Variants in FCGR2A observed in about 807,000 individuals in gnomAD.
FCGR2A encodes the protein Fc gamma receptor IIa, also known as low affinity immunoglobulin gamma Fc region receptor II-a.
A neutral mutation model predicts 29.3 loss-of-function variants in FCGR2A; 18 were observed. The ratio of observed to expected loss-of-function variants is 0.62; its 90% confidence interval spans 0.43 to 0.91. The LOEUF (loss-of-function observed/expected upper bound fraction) is 0.91. Ranked by LOEUF, FCGR2A falls within the 40% of genes least tolerant of loss-of-function variation. The probability of loss-of-function intolerance (pLI) is 0.00; values close to 1 mark genes in which losing one functional copy is unlikely to be tolerated. For synonymous variants in FCGR2A, 126 were observed against 144.8 expected, an observed-to-expected ratio of 0.87 and a Z score of 0.93; for missense variants, 287 against 393.0, an observed-to-expected ratio of 0.73 and a Z score of 2.28.
chr1:161,520,158 C>T (rs1417912475), downstream of FCGR2A, among the ~76,000 whole-genome samples: 1 of 152,024 alleles, frequency 6.6e-6, no homozygotes, highest in Admixed American at 6.6e-5. Flanking sequence ...TAGTCTGTCT[C>T]TATGTATTAG....
chr1:161,521,731 T>A (rs1676457397), downstream of FCGR2A, among the ~76,000 whole-genome samples: 1 of 151,992 alleles, frequency 6.6e-6, no homozygotes, highest in Non-Finnish European at 1.5e-5. Context: ...AGCTCTCTCT[T>A]CTCTTGTTTG....
At chr1:161,508,587 CAAAAA>C (rs10648106) in intron 3 of FCGR2A, among the ~76,000 whole-genome samples, 1 of 88,420 alleles carries the variant, frequency 1.1e-5, no homozygotes, top group Non-Finnish European at 2.3e-5. Context: ...AACTCCATCT[CAAAAA>C]AAAAAAAAAG....
At chr1:161,513,954 C>T (rs575925747) in intron 6 of FCGR2A, 22 bp downstream of exon 6, 1 of 1,614,066 alleles carries the variant, frequency 6.2e-7, no homozygotes, top group African/African-American at 1.3e-5. Context: ...CAGCCATCTC[C>T]TTTTCCTCCT....
chr1:161,511,858 C>T (rs1675810111), intron 5 of FCGR2A, among the ~76,000 whole-genome samples: 1 of 152,226 alleles, frequency 6.6e-6, no homozygotes, highest in African/African-American at 2.4e-5. Context: ...TCAGTGATGG[C>T]TCACCAGGGC....
chr1:161,508,518 T>G (rs1475076832), intron 3 of FCGR2A, among the ~76,000 whole-genome samples: 1 of 147,102 alleles, frequency 6.8e-6, no homozygotes, highest in African/African-American at 2.5e-5. Flanking sequence ...ACTTGGGAGG[T>G]GGAGTTTGCA....
At chr1:161,509,764 A>T (rs1429452654) in intron 3 of FCGR2A, 56 bp from the exon 4 acceptor site, 1 of 1,605,546 alleles carries the variant, frequency 6.2e-7, no homozygotes, top group Non-Finnish European at 8.5e-7. Context: ...TCTGAGACTG[A>T]AAAACCCTTG....
At position 161,508,723 on chromosome 1, in the gene FCGR2A, TA is replaced by T. The variant is rs549294690; in HGVS notation, c.365-1096del. On this transcript the variant is annotated intron_variant, in intron 3 of 6. Coordinates refer to ENST00000271450, the MANE Select transcript of FCGR2A (RefSeq NM_001136219.3). ...ATTAAGTCTATTGAAACTTTGTTAATAGATTTGTCCTCCGAGGTAGCTGAAT... is the reference window on the plus strand; with the variant it reads ...ATTAAGTCTATTGAAACTTTGTTAATGATTTGTCCTCCGAGGTAGCTGAAT... Among the ~76,000 whole-genome samples the T allele has an allele frequency of 1.5e-4, 23 of 152,320 alleles. 2 individuals carry two copies. Among genetic ancestry groups the T allele is most frequent in the African/African-American group, 5.5e-4 (23 of 41,570 alleles).
At chr1:161,520,532 T>C (rs1011112062), downstream of FCGR2A, among the ~76,000 whole-genome samples, 5 of 151,974 alleles carry the variant, frequency 3.3e-5, no homozygotes, top group East Asian at 1.9e-4. Flanking sequence ...AGCCAAACCA[T>C]ATCACCCTAG....
chr1:161,506,388 A>G lies in FCGR2A; in HGVS notation c.161A>G (p.Gln54Arg). The change falls in exon 3 of 7, where the codon CAG (glutamine) becomes CGG (arginine). Residue 54 changes from glutamine to arginine, a missense_variant. Physicochemically the swap from Gln to Arg is conservative, Grantham distance 43 (BLOSUM62 1). Coordinates refer to ENST00000271450, the MANE Select transcript of FCGR2A (RefSeq NM_001136219.3). ...GAGCCCCCGTGGATCAACGTGCTCCAGGAGGACTCTGTGACTCTGACATGC... is the reference window on the plus strand; with the variant it reads ...GAGCCCCCGTGGATCAACGTGCTCCGGGAGGACTCTGTGACTCTGACATGC... ...KLEPPWINVL[Q>R]EDSVTLTCQG... 1 of 1,614,212 alleles carries G rather than the reference A, an allele frequency of 6.2e-7. No homozygotes were observed. Among genetic ancestry groups the G allele is most frequent in the Non-Finnish European group, 8.5e-7 (1 of 1,180,032 alleles).
rs1571976762 is a variant in FCGR2A, at chr1:161,513,635, C to A, written c.743-260C>A. 3 of 563,886 alleles carry A rather than the reference C, an allele frequency of 5.3e-6. No individual in the cohort carries two copies. In the East Asian group the frequency reaches 8.7e-5, roughly 16 times the overall value. 34.9% of individuals were successfully genotyped at this position (563,886 alleles called of 1,614,324 possible). ...TGTCTGGTTTGCTTCTAGGAAAGCT[C>A]AGCAATTCCCTGAAAAGAGTGTGGC... is the stretch of plus-strand genomic sequence containing the variant. On this transcript the variant is annotated intron_variant, in intron 5 of 6. Coordinates refer to ENST00000271450, the MANE Select transcript of FCGR2A (RefSeq NM_001136219.3).
chr1:161,512,012 T>C (rs1486285336), intron 5 of FCGR2A, among the ~76,000 whole-genome samples: 1 of 152,112 alleles, frequency 6.6e-6, no homozygotes, highest in Non-Finnish European at 1.5e-5. Context: ...AGGACCTCGC[T>C]GGAGATGAGA....
chr1:161,506,876 C>T (rs928253757), intron 3 of FCGR2A, among the ~76,000 whole-genome samples: 2 of 152,190 alleles, frequency 1.3e-5, no homozygotes, highest in Admixed American at 6.5e-5. Flanking sequence ...GTGGGAGAAG[C>T]AGAAGGAAAT....
intron 1 of FCGR2A, 28 bp from the exon 2 acceptor site, chr1:161,505,959 C>T (rs761466072): frequency 2.5e-6 from 4 of 1,613,578 alleles, no homozygotes; most frequent in East Asian, 2.2e-5. Flanking sequence ...TCCTGCTCGA[C>T]GTTGATCCAC....
intron 5 of FCGR2A, among the ~76,000 whole-genome samples, chr1:161,511,189 A>G (rs1675753826): frequency 2.0e-5 from 3 of 152,204 alleles, no homozygotes; most frequent in Non-Finnish European, 4.4e-5. Context: ...AGTGCCTGGT[A>G]GGCAGTAACA....
At chr1:161,508,587 C>CAAAA (rs10648106) in intron 3 of FCGR2A, among the ~76,000 whole-genome samples, 31 of 88,416 alleles carry the variant, frequency 3.5e-4, no homozygotes, top group Admixed American at 5.9e-4. Flanking sequence ...AACTCCATCT[C>CAAAA]AAAAAAAAAA....
downstream of FCGR2A, among the ~76,000 whole-genome samples, chr1:161,520,866 G>A (rs1462498863): frequency 6.6e-5 from 10 of 152,016 alleles, no homozygotes; most frequent in Non-Finnish European, 4.4e-5. Context: ...TCTACAGGAT[G>A]CTACAGGATC....
intron 6 of FCGR2A, among the ~76,000 whole-genome samples, chr1:161,514,170 T>C (rs1223456025): frequency 6.6e-6 from 1 of 152,142 alleles, no homozygotes; most frequent in Admixed American, 6.5e-5. Context: ...TCATTTCTGG[T>C]AAATGTTTAT....
rs1675329199 is a variant in FCGR2A at position 161,505,531 on chromosome 1, T to C, written c.64T>C (p.Leu22=). 6.2e-7 allele frequency: 1 copy of C among 1,614,010 alleles called. No homozygotes were observed. Among genetic ancestry groups the C allele is most frequent in the Admixed American group, 1.7e-5 (1 of 60,010 alleles). ...CPRNLWLLQP[L]TVLLLLASAD... Reference sequence around the variant, plus strand: ...CAGAAACCTGTGGCTGCTTCAACCATTGACAGTTTTGCTGCTGCTGGGTGA... The same window carrying C: ...CAGAAACCTGTGGCTGCTTCAACCACTGACAGTTTTGCTGCTGCTGGGTGA... The change falls in exon 1 of 7, where the codon TTG becomes CTG. Residue 22 remains leucine (L), a synonymous_variant. Coordinates refer to ENST00000271450, the MANE Select transcript of FCGR2A (RefSeq NM_001136219.3).
chr1:161,506,544 C>G lies in FCGR2A; in HGVS notation c.317C>G (p.Thr106Ser). The change falls in exon 3 of 7, where the codon ACT (threonine) becomes AGT (serine). Residue 106 changes from threonine (T) to serine (S), a missense_variant. Physicochemically the swap from Thr to Ser is moderately conservative, Grantham distance 58. Coordinates refer to ENST00000271450, the MANE Select transcript of FCGR2A (RefSeq NM_001136219.3). ...GACAGCGGGGAGTACACGTGCCAGA[C>G]TGGCCAGACCAGCCTCAGCGACCCT... ...NNDSGEYTCQ[T>S]GQTSLSDPVH... 6.2e-7 allele frequency: 1 copy of G among 1,614,234 alleles called. No homozygotes were observed. The highest frequency in any genetic ancestry group is 8.5e-7 in the Non-Finnish European group (1 of 1,180,038).
Sources: gnomAD v4.1 joint callset for allele counts (sites outside exome capture counted in the v4.1 genomes callset) on GRCh38, gnomAD v4.1.1 for gene constraint, MANE v1.5 for transcripts, NCBI Gene and HGNC (gene_info 2026-07-23, HGNC 2026-07-21) for gene names.